The following MAP4K3 variants were observed in gnomAD, a reference collection of about 807,000 sequenced individuals.
MAP4K3 encodes the protein mitogen-activated protein kinase kinase kinase kinase 3, also known as MAPK/ERK kinase kinase kinase 3.
MAP4K3 carries 94 observed loss-of-function variants against 143.5 expected under a neutral mutation model. The observed-to-expected ratio is 0.65, with a 90% CI of 0.55 to 0.78. The LOEUF (loss-of-function observed/expected upper bound fraction) is 0.78, where lower values mean the gene tolerates loss of function less well. Among genes scored for constraint, MAP4K3 ranks in the 30% least tolerant of loss-of-function variants. The probability of loss-of-function intolerance (pLI) is 0.00; values close to 1 mark genes in which losing one functional copy is unlikely to be tolerated. For missense variants in MAP4K3, 1,077 were observed against 1,068.1 expected (o/e 1.01, Z -0.12); for synonymous variants, 416 against 347.2 (o/e 1.20, Z -2.20).
intron 1 of MAP4K3, among the ~76,000 whole-genome samples, chr2:39,379,356 T>C (rs1666303224): frequency 6.6e-6 from 1 of 152,082 alleles, no homozygotes; most frequent in Admixed American, 6.5e-5. Flanking sequence ...TAAAAATTGT[T>C]CCTTCAAACA....
intron 24 of MAP4K3, 31 bp from the exon 25 acceptor site, chr2:39,272,573 G>C: frequency 6.4e-7 from 1 of 1,561,894 alleles, no homozygotes; most frequent in Non-Finnish European, 8.8e-7. Flanking sequence ...AGTTTACAAA[G>C]AATAATACAT....
At chr2:39,410,569 A>ACACATG (rs1359491611) in intron 1 of MAP4K3, among the ~76,000 whole-genome samples, 2 of 152,224 alleles carry the variant, frequency 1.3e-5, no homozygotes, top group African/African-American at 2.4e-5. Flanking sequence ...TGGAACACAT[A>ACACATG]CACAAGTGTG....
Position 39,413,577 on chromosome 2 carries a change from T to C in MAP4K3, c.96+23315A>G, listed in dbSNP as rs114626465. ...GACTGCAATTAACTGTGAGAATCCA[T>C]TGACTGTACATGCAAAGTAAAAAGG... On this transcript the variant is annotated intron_variant, in intron 1 of 33. Transcript: ENST00000263881. Among the ~76,000 whole-genome samples, 356 of 152,190 alleles carry C rather than the reference T, an allele frequency of 2.3e-3. 3 individuals are homozygous for C. Among genetic ancestry groups the C allele is most frequent in the African/African-American group, 8.2e-3 (340 of 41,516 alleles).
At chr2:39,293,085 C>T in intron 17 of MAP4K3, 145 bp downstream of exon 17, 2 of 726,384 alleles carry the variant, frequency 2.8e-6, no homozygotes, top group Non-Finnish European at 4.7e-6. Context: ...CCACTGCAAT[C>T]CAGCCTGGGC....
intron 8 of MAP4K3, among the ~76,000 whole-genome samples, chr2:39,327,495 A>G (rs1683533636): frequency 6.6e-6 from 1 of 152,152 alleles, no homozygotes. Context: ...TTCAAATCCT[A>G]AACAATATTT....
Position 39,255,748 on chromosome 2 carries a change from A to C in MAP4K3, c.2471-1228T>G, listed in dbSNP as rs1445575654. On this transcript the variant is annotated intron_variant, in intron 31 of 33. Transcript: ENST00000263881. ...CCAATGTTGTCCAGGCTGGTCTTGA[A>C]ATCCTGGGCTCAAGCAATTCTCCTG... Among the ~76,000 whole-genome samples, 3 of 152,280 alleles carry C rather than the reference A, an allele frequency of 2.0e-5. No homozygotes were observed. In the East Asian group the frequency reaches 5.8e-4, roughly 29 times the overall value.
intron 1 of MAP4K3, among the ~76,000 whole-genome samples, chr2:39,383,299 G>A (rs550475185): frequency 1.3e-5 from 2 of 152,236 alleles, no homozygotes; most frequent in South Asian, 2.1e-4. Flanking sequence ...TCCTTCACGT[G>A]GCAACAGGAA....
At chr2:39,331,534 G>A (rs915065494) in intron 8 of MAP4K3, among the ~76,000 whole-genome samples, 3 of 152,020 alleles carry the variant, frequency 2.0e-5, no homozygotes, top group Non-Finnish European at 4.4e-5. Flanking sequence ...TAGCAAAGAG[G>A]TACTTGAATA....
At chr2:39,268,815 CT>C (rs1680890528) in intron 26 of MAP4K3, among the ~76,000 whole-genome samples, 1 of 151,146 alleles carries the variant, frequency 6.6e-6, no homozygotes, top group Admixed American at 6.6e-5. Context: ...AATTTTTGTA[CT>C]TTTAGTAGAG....
chr2:39,382,236 A>G (rs1666372497), intron 1 of MAP4K3, among the ~76,000 whole-genome samples: 1 of 152,230 alleles, frequency 6.6e-6, no homozygotes, highest in Admixed American at 6.5e-5. Context: ...ATATTCAAGC[A>G]GCAATCATTA....
chr2:39,260,483 TTAA>T, intron 29 of MAP4K3, 120 bp downstream of exon 29: 4 of 727,890 alleles, frequency 5.5e-6, no homozygotes, highest in South Asian at 5.5e-5. Flanking sequence ...TTCTTCCAGT[TTAA>T]TAATAGTTAT....
intron 3 of MAP4K3, among the ~76,000 whole-genome samples, chr2:39,348,059 ATCTAAAAGTT>A: frequency 6.6e-6 from 1 of 152,182 alleles, no homozygotes; most frequent in African/African-American, 2.4e-5. Context: ...ATTTACATAA[ATCTAAAAGTT>A]TCTAAAAATT....
At chr2:39,316,039 T>A (rs891457816) in intron 12 of MAP4K3, among the ~76,000 whole-genome samples, 2 of 152,132 alleles carry the variant, frequency 1.3e-5, no homozygotes, top group Admixed American at 6.5e-5. Flanking sequence ...TTTATGTTTT[T>A]CAGAAGCTTT....
chr2:39,385,154 G>A (rs1378419382), intron 1 of MAP4K3, among the ~76,000 whole-genome samples: 4 of 152,016 alleles, frequency 2.6e-5, no homozygotes, highest in Non-Finnish European at 4.4e-5. Context: ...TGGCAAATAC[G>A]GAAAGAGCTG....
rs549741866 is a variant in MAP4K3 at position 39,300,272 on chromosome 2, T to C, written c.1120-471A>G. On this transcript the variant is annotated intron_variant, in intron 15 of 33. Transcript: ENST00000263881. ...GTAACAATTTTTTAAAGATATGAAATTGGGTGCTATTTTAAAAGTAAATTA... is the reference window on the plus strand; with the variant it reads ...GTAACAATTTTTTAAAGATATGAAACTGGGTGCTATTTTAAAAGTAAATTA... 1.2e-3 allele frequency among the ~76,000 whole-genome samples: 180 copies of C among 152,310 alleles called. 3 individuals carry two copies. The highest frequency in any genetic ancestry group is 4.2e-3 in the African/African-American group (175 of 41,566).
At chr2:39,436,453 G>GGT (rs1458668319) in intron 1 of MAP4K3, among the ~76,000 whole-genome samples, 1 of 152,082 alleles carries the variant, frequency 6.6e-6, no homozygotes, top group Non-Finnish European at 1.5e-5. Context: ...ACCGAGGCCT[G>GGT]GTGGGCAGCA....
At chr2:39,360,288 T>A (rs559316469) in intron 2 of MAP4K3, among the ~76,000 whole-genome samples, 9 of 152,212 alleles carry the variant, frequency 5.9e-5, no homozygotes, top group Non-Finnish European at 1.3e-4. Context: ...CTCATCTCCA[T>A]CTGACAGCAC....
At chr2:39,298,715 G>T (rs1436962056) in intron 16 of MAP4K3, among the ~76,000 whole-genome samples, 3 of 152,048 alleles carry the variant, frequency 2.0e-5, no homozygotes, top group African/African-American at 7.2e-5. Context: ...TGTAATCTTA[G>T]CACCTTCTGG....
At chr2:39,418,202 CAAAA>C (rs60060164) in intron 1 of MAP4K3, among the ~76,000 whole-genome samples, 2 of 113,074 alleles carry the variant, frequency 1.8e-5, no homozygotes, top group Admixed American at 8.9e-5. Context: ...GACTCCGTCT[CAAAA>C]AAAAAAAAAA....
Sources: allele counts gnomAD v4.1 joint callset (sites outside exome capture counted in the v4.1 genomes callset), GRCh38; gene constraint gnomAD v4.1.1; transcripts MANE v1.5; gene names NCBI Gene and HGNC (gene_info 2026-07-23, HGNC 2026-07-21).